The following NCAM2 variants were observed in gnomAD, a reference collection of about 807,000 sequenced individuals.
NCAM2 encodes neural cell adhesion molecule 2, also known as N-CAM-2.
In NCAM2, 30 loss-of-function variants were observed where a neutral mutation model predicts 98.1. That is an observed-to-expected ratio of 0.31 (90% CI 0.23 to 0.41). NCAM2 has a LOEUF of 0.41. NCAM2 is among the 10% of genes least tolerant of loss of function. NCAM2 has a pLI of 1.00. For synonymous variants in NCAM2, 368 were observed against 342.4 expected (o/e 1.07, Z -0.83); for missense variants, 867 against 1,005.8 (o/e 0.86, Z 1.87).
At chr21:21,285,439 T>G (rs1387912469) in intron 3 of NCAM2, among the ~76,000 whole-genome samples, 7 of 151,920 alleles carry the variant, frequency 4.6e-5, no homozygotes, top group Admixed American at 2.0e-4. Flanking sequence ...ATTCTGAGCT[T>G]CCGAAGAAAT....
At chr21:21,451,725 G>A (rs1981101541) in intron 12 of NCAM2, among the ~76,000 whole-genome samples, 1 of 151,970 alleles carries the variant, frequency 6.6e-6, no homozygotes, top group African/African-American at 2.4e-5. Context: ...TGGTAACGTG[G>A]GCTTGTCAAT....
chr21:21,074,120 T>C (rs1463641094), intron 1 of NCAM2, among the ~76,000 whole-genome samples: 1 of 152,172 alleles, frequency 6.6e-6, no homozygotes, highest in Non-Finnish European at 1.5e-5. Flanking sequence ...AATAAAATTG[T>C]CACTGTGAAA....
At chr21:21,114,560 A>G (rs900425766) in intron 1 of NCAM2, among the ~76,000 whole-genome samples, 1 of 152,148 alleles carries the variant, frequency 6.6e-6, no homozygotes, top group African/African-American at 2.4e-5. Context: ...CTTTGCCAAA[A>G]GCTGTTTCTT....
chr21:21,113,612 T>A (rs2066496339), intron 1 of NCAM2, among the ~76,000 whole-genome samples: 3 of 151,994 alleles, frequency 2.0e-5, no homozygotes. Context: ...AAGACTGAGG[T>A]ATTTAGCAGA....
intron 1 of NCAM2, among the ~76,000 whole-genome samples, chr21:21,143,485 GT>G (rs1036651580): frequency 6.6e-6 from 1 of 152,062 alleles, no homozygotes; most frequent in African/African-American, 2.4e-5. Context: ...TTGAGTTACA[GT>G]TTTAAAAGGT....
intron 12 of NCAM2, 74 bp from the exon 13 acceptor site, chr21:21,466,532 C>A: frequency 9.0e-7 from 1 of 1,105,632 alleles, no homozygotes; most frequent in South Asian, 2.1e-5. Context: ...ATTTGTTTTC[C>A]TTATTAAAAT....
chr21:21,141,751 A>C (rs2067172180), intron 1 of NCAM2, among the ~76,000 whole-genome samples: 1 of 152,162 alleles, frequency 6.6e-6, no homozygotes, highest in African/African-American at 2.4e-5. Context: ...ACTATCTGGC[A>C]TGACAAGGTG....
At chr21:21,233,670 G>C (rs1462020681) in intron 1 of NCAM2, among the ~76,000 whole-genome samples, 3 of 151,546 alleles carry the variant, frequency 2.0e-5, no homozygotes, top group Non-Finnish European at 4.4e-5. Flanking sequence ...ACGATGTTTT[G>C]GCATCACCCA....
At chr21:21,491,935 T>G (rs753736996) in intron 15 of NCAM2, among the ~76,000 whole-genome samples, 73 of 151,720 alleles carry the variant, frequency 4.8e-4, no homozygotes, top group Non-Finnish European at 9.0e-4. Flanking sequence ...ATTATTTTTG[T>G]TTTTATTTTT....
intron 9 of NCAM2, among the ~76,000 whole-genome samples, chr21:21,401,577 C>T (rs1477850428): frequency 2.0e-5 from 3 of 152,022 alleles, no homozygotes; most frequent in Non-Finnish European, 2.9e-5. Context: ...GTTTCTGTGC[C>T]TGGTTTATTT....
chr21:21,528,885 G>A (rs557727176), intron 16 of NCAM2, among the ~76,000 whole-genome samples: 17 of 151,894 alleles, frequency 1.1e-4, no homozygotes, highest in Non-Finnish European at 2.2e-4. Context: ...AAATCTAAAA[G>A]AAATATAATT....
intron 1 of NCAM2, among the ~76,000 whole-genome samples, chr21:21,112,470 A>G (rs187004861): frequency 2.0e-5 from 3 of 152,182 alleles, no homozygotes; most frequent in Admixed American, 2.0e-4. Flanking sequence ...TTGGCTTTCT[A>G]TTTGAAATAA....
chr21:21,331,513 C>CTATATATATATATATATA lies in NCAM2; in HGVS notation c.738-3991_738-3990insATATATATATATATATAT, dbSNP rs1400140050. Among the ~76,000 whole-genome samples, 3 of 5,776 alleles carry CTATATATATATATATATA rather than the reference C, an allele frequency of 5.2e-4. 1 individual carries two copies. The highest frequency in any genetic ancestry group is 3.7e-4 in the Non-Finnish European group (1 of 2,694). 3.8% of individuals were successfully genotyped at this position (5,776 alleles called of 152,430 possible). A position where few individuals can be genotyped will look rare whatever the true frequency, so the allele number is the denominator to read the frequency against. ...TTAGTATATATACTCTATACTCTCT[C>CTATATATATATATATATA]TCTCTATATATATATATATATACTC... On this transcript the variant is annotated intron_variant, in intron 6 of 17. Coordinates refer to ENST00000400546, the MANE Select transcript of NCAM2 (RefSeq NM_004540.5).
rs116546079 is a variant in NCAM2, at chr21:20,998,611, C to G, written c.48C>G (p.Ser16Arg). 5.6e-6 allele frequency: 9 copies of G among 1,613,998 alleles called. No individual in the cohort carries two copies. Among genetic ancestry groups the G allele is most frequent in the Non-Finnish European group, 7.6e-6 (9 of 1,179,916 alleles). ...ACCTGCTGGGGTTGCTTGTCAGTAG[C>G]GGGCAAGGTAGGAGTGTGGCGCTTT... ...SFYLLGLLVS[S>R]GQALLQVTIS... Residue 16 changes from serine (S) to arginine (R), a missense_variant, in exon 1 of 18, where the codon AGC (serine) becomes AGG (arginine). Ser to Arg is a moderately radical substitution (Grantham distance 110). Coordinates refer to ENST00000400546, the MANE Select transcript of NCAM2 (RefSeq NM_004540.5).
At position 21,217,385 on chromosome 21, in the gene NCAM2, A is replaced by G. The variant is rs77973660; in HGVS notation, c.56-63193A>G. 5.7e-3 allele frequency among the ~76,000 whole-genome samples: 865 copies of G among 152,310 alleles called. 12 individuals carry two copies. The highest frequency in any genetic ancestry group is 0.02 in the African/African-American group (830 of 41,578). On this transcript the variant is annotated intron_variant, in intron 1 of 17. Transcript: ENST00000400546. ...AAACATAGAATAAAGATTCCTAGTG[A>G]GTATATGTTACCGGTACCTAATTAA...
intron 1 of NCAM2, among the ~76,000 whole-genome samples, chr21:21,172,181 A>G (rs1263844928): frequency 2.6e-5 from 4 of 151,994 alleles, no homozygotes; most frequent in Non-Finnish European, 5.9e-5. Flanking sequence ...GAATGACAAT[A>G]TCATCAGTTT....
chr21:21,107,884 G>C (rs1200470445), intron 1 of NCAM2, among the ~76,000 whole-genome samples: 1 of 151,964 alleles, frequency 6.6e-6, no homozygotes, highest in Non-Finnish European at 1.5e-5. Flanking sequence ...TATTTTTCTT[G>C]TTTAATCCTG....
chr21:21,158,471 C>G (rs190876311), intron 1 of NCAM2, among the ~76,000 whole-genome samples: 1 of 151,922 alleles, frequency 6.6e-6, no homozygotes, highest in Non-Finnish European at 1.5e-5. Flanking sequence ...ATTAGCTGGG[C>G]GTTGTGGCAC....
chr21:21,056,490 C>CTGTGTGTGTGTG (rs10685980), intron 1 of NCAM2, among the ~76,000 whole-genome samples: 1,907 of 138,378 alleles, frequency 0.014, 20 homozygotes, highest in Non-Finnish European at 0.021. Flanking sequence ...AGAGATATGT[C>CTGTGTGTGTGTG]TGTGTGTGTG....
Sources: gnomAD v4.1 joint callset for allele counts (sites outside exome capture counted in the v4.1 genomes callset) on GRCh38, gnomAD v4.1.1 for gene constraint, MANE v1.5 for transcripts, NCBI Gene and HGNC (gene_info 2026-07-23, HGNC 2026-07-21) for gene names.